KLF7: variants seen among roughly 807,000 people sequenced by gnomAD.
KLF7 encodes KLF transcription factor 7, also known as Krueppel-like factor 7.
In KLF7, 2 loss-of-function variants were observed where a neutral mutation model predicts 27.3. That is an observed-to-expected ratio of 0.07 (90% CI 0.03 to 0.23). KLF7 has a LOEUF of 0.23. Ranked by LOEUF, KLF7 falls within the 10% of genes least tolerant of loss-of-function variation. The pLI is 1.00. For synonymous variants in KLF7, 165 were observed against 162.4 expected, an observed-to-expected ratio of 1.02 and a Z score of -0.12; for missense variants, 221 against 394.1, an observed-to-expected ratio of 0.56 and a Z score of 3.72.
intron 3 of KLF7, among the ~76,000 whole-genome samples, 161 bp downstream of exon 3, chr2:207,088,297 C>A (rs1418159659): frequency 2.0e-5 from 3 of 152,140 alleles, no homozygotes; most frequent in Non-Finnish European, 4.4e-5. Flanking sequence ...CAAGAGGGCA[C>A]CCCCTCTTCT....
Position 207,075,433 on chromosome 2 carries a change from ATATAT to A in KLF7, c.*5775_*5779del, listed in dbSNP as rs1237795173. 1 of 151,844 alleles carries A rather than the reference ATATAT, an allele frequency of 6.6e-6. No homozygotes were observed. Among genetic ancestry groups the A allele is most frequent in the Non-Finnish European group, 1.5e-5 (1 of 67,968 alleles). The allele number at this position is 151,844 out of a possible 1,614,324, so 9.4% of individuals were successfully genotyped here. On this transcript the variant is annotated 3_prime_UTR_variant, in exon 4 of 4. Transcript: ENST00000309446. ...GGCTATAAGACTGGGTACTTCTGTG[ATATAT>A]TATAAATACCAGAGAAGGCCTGAGA...
intron 1 of KLF7, among the ~76,000 whole-genome samples, chr2:207,148,781 T>C (rs2078165102): frequency 2.0e-5 from 3 of 152,138 alleles, no homozygotes; most frequent in South Asian, 4.1e-4. Flanking sequence ...CACTCTCTAG[T>C]GCCTTATACT....
chr2:207,144,165 G>C (rs536179940), intron 1 of KLF7, among the ~76,000 whole-genome samples: 10 of 50,858 alleles, frequency 2.0e-4, no homozygotes, highest in Middle Eastern at 8.3e-3. Context: ...ACAGCGGGGG[G>C]GAGAAAAAAA....
chr2:207,100,105 C>G (rs555050295), intron 2 of KLF7, among the ~76,000 whole-genome samples: 1 of 151,820 alleles, frequency 6.6e-6, no homozygotes, highest in South Asian at 2.1e-4. Context: ...CCACTGCACT[C>G]TAGCCTGGGT....
chr2:207,118,202 C>A (rs896981419), intron 2 of KLF7, among the ~76,000 whole-genome samples: 2 of 152,086 alleles, frequency 1.3e-5, no homozygotes, highest in Non-Finnish European at 2.9e-5. Context: ...TTGATAGGGA[C>A]AGAATATTAA....
chr2:207,088,511 C>T lies in KLF7; in HGVS notation c.804G>A (p.Arg268=). 2.5e-6 allele frequency: 4 copies of T among 1,614,098 alleles called. No individual in the cohort carries two copies. Among genetic ancestry groups the T allele is most frequent in the Non-Finnish European group, 2.5e-6 (3 of 1,179,950 alleles). The stretch of plus-strand genomic sequence containing the variant: ...TTGCACCTGTGTGTTTCCTGTAGTG[C>T]CTCGTGAGCTCATCGCTTCGTGCAA... The part of the protein sequence containing the change: ...WRFARSDELT[R]HYRKHTGAKP... The change falls in exon 3 of 4, where the codon AGG becomes AGA. Residue 268 remains arginine, a synonymous_variant. Coordinates refer to ENST00000309446, the MANE Select transcript of KLF7 (RefSeq NM_003709.4).
chr2:207,157,964 T>G (rs2078436731), intron 1 of KLF7, among the ~76,000 whole-genome samples: 1 of 152,148 alleles, frequency 6.6e-6, no homozygotes, highest in African/African-American at 2.4e-5. Flanking sequence ...CATATTCAGC[T>G]GAAGTGATGG....
intron 1 of KLF7, among the ~76,000 whole-genome samples, chr2:207,140,262 T>C (rs1290314941): frequency 6.6e-6 from 1 of 152,188 alleles, no homozygotes; most frequent in Non-Finnish European, 1.5e-5. Flanking sequence ...ATTTGATTAA[T>C]ACCAAATACA....
chr2:207,163,268 A>C (rs1349242547), intron 1 of KLF7, among the ~76,000 whole-genome samples: 1 of 152,224 alleles, frequency 6.6e-6, no homozygotes, highest in Admixed American at 6.5e-5. Flanking sequence ...CATGACGCTG[A>C]ATAAGTTGGC....
chr2:207,160,436 A>G (rs2078511797), intron 1 of KLF7, among the ~76,000 whole-genome samples: 1 of 152,148 alleles, frequency 6.6e-6, no homozygotes, highest in South Asian at 2.1e-4. Context: ...GATTTTCTGC[A>G]TTTGCCAGTC....
At chr2:207,147,159 G>C (rs980820751) in intron 1 of KLF7, among the ~76,000 whole-genome samples, 1 of 152,160 alleles carries the variant, frequency 6.6e-6, no homozygotes, top group Non-Finnish European at 1.5e-5. Flanking sequence ...AACAGCAATT[G>C]TACTGTAATT....
At chr2:207,133,518 A>G (rs893702393) in intron 1 of KLF7, among the ~76,000 whole-genome samples, 4 of 152,202 alleles carry the variant, frequency 2.6e-5, no homozygotes, top group African/African-American at 4.8e-5. Flanking sequence ...GCCTCTTTTC[A>G]GAGGAGTGAT....
intron 1 of KLF7, among the ~76,000 whole-genome samples, chr2:207,157,889 G>C (rs1427722310): frequency 6.6e-6 from 1 of 152,194 alleles, no homozygotes; most frequent in Non-Finnish European, 1.5e-5. Context: ...ATTATTAAAA[G>C]AAATAGGGAA....
At chr2:207,091,380 CA>C (rs1387233439) in intron 2 of KLF7, among the ~76,000 whole-genome samples, 1 of 152,180 alleles carries the variant, frequency 6.6e-6, no homozygotes. Flanking sequence ...TGAGAAACTG[CA>C]GATAGCTTGA....
At chr2:207,097,794 T>C (rs889591516) in intron 2 of KLF7, among the ~76,000 whole-genome samples, 2 of 152,240 alleles carry the variant, frequency 1.3e-5, no homozygotes, top group Admixed American at 1.3e-4. Flanking sequence ...CCAATACATG[T>C]GTTTTCAAAT....
At chr2:207,102,527 T>C (rs997501442) in intron 2 of KLF7, among the ~76,000 whole-genome samples, 8 of 152,200 alleles carry the variant, frequency 5.3e-5, no homozygotes, top group African/African-American at 1.4e-4. Context: ...AAAATGTAAA[T>C]TATGTTTCCA....
chr2:207,138,782 TC>T (rs1451455733), intron 1 of KLF7, among the ~76,000 whole-genome samples: 1 of 152,118 alleles, frequency 6.6e-6, no homozygotes, highest in African/African-American at 2.4e-5. Flanking sequence ...CTAATAAAAC[TC>T]CTCTATAAAG....
At chr2:207,106,345 A>G (rs1263606) in intron 2 of KLF7, among the ~76,000 whole-genome samples, 151,958 of 152,342 alleles carry the variant, frequency 1, 75,790 homozygotes, top group Middle Eastern at 1. Flanking sequence ...TACAACTGCC[A>G]AGGAGAAAGA....
intron 3 of KLF7, among the ~76,000 whole-genome samples, chr2:207,086,653 C>T (rs1242745718): frequency 6.6e-6 from 1 of 152,182 alleles, no homozygotes; most frequent in Non-Finnish European, 1.5e-5. Flanking sequence ...GTAAATCATA[C>T]AAAAGACCAG....
Sources: gnomAD v4.1 joint callset for allele counts (sites outside exome capture counted in the v4.1 genomes callset) on GRCh38, gnomAD v4.1.1 for gene constraint, MANE v1.5 for transcripts, NCBI Gene and HGNC (gene_info 2026-07-23, HGNC 2026-07-21) for gene names.